Variants in SNTG1 observed in about 807,000 individuals in gnomAD.
The protein encoded by SNTG1 is gamma-1-syntrophin.
Under a neutral mutation model 74.7 loss-of-function variants are expected in SNTG1, and 39 were observed. That is an observed-to-expected ratio of 0.52 (90% CI 0.40 to 0.68). The LOEUF (loss-of-function observed/expected upper bound fraction) is 0.68, where lower values mean the gene tolerates loss of function less well. Among genes scored for constraint, SNTG1 ranks in the 30% least tolerant of loss-of-function variants. SNTG1 has a pLI of 0.00. For missense variants in SNTG1, 685 were observed against 609.5 expected, an observed-to-expected ratio of 1.12 and a Z score of -1.30; for synonymous variants, 254 against 217.1, an observed-to-expected ratio of 1.17 and a Z score of -1.49.
chr8:50,131,304 A>T (rs995352010), intron 1 of SNTG1, among the ~76,000 whole-genome samples: 19 of 152,036 alleles, frequency 1.2e-4, no homozygotes, highest in African/African-American at 4.3e-4. Flanking sequence ...TATTTCTTGA[A>T]TTTTTTTGCA....
At chr8:50,646,495 G>T (rs932847211) in intron 13 of SNTG1, among the ~76,000 whole-genome samples, 1 of 152,026 alleles carries the variant, frequency 6.6e-6, no homozygotes, top group Admixed American at 6.6e-5. Context: ...TAAATTTGTG[G>T]GTTTGTTTTA....
At chr8:50,773,938 T>C (rs759622307) in intron 18 of SNTG1, among the ~76,000 whole-genome samples, 67 of 152,190 alleles carry the variant, frequency 4.4e-4, no homozygotes, top group Admixed American at 1.9e-3. Context: ...AAATTTTCAG[T>C]TGAAAAGTAC....
intron 1 of SNTG1, among the ~76,000 whole-genome samples, chr8:50,020,957 A>G (rs1816762031): frequency 6.6e-6 from 1 of 152,168 alleles, no homozygotes; most frequent in South Asian, 2.1e-4. Flanking sequence ...GAGTTTCTCA[A>G]ATTGCAATCT....
intron 18 of SNTG1, among the ~76,000 whole-genome samples, chr8:50,775,580 T>C (rs980910092): frequency 5.9e-5 from 9 of 151,714 alleles, no homozygotes; most frequent in African/African-American, 2.2e-4. Flanking sequence ...GCAAATAATG[T>C]ATATTCTATT....
At chr8:50,163,434 A>T (rs2082496943) in intron 1 of SNTG1, 1 of 151,276 alleles carries the variant, frequency 6.6e-6, no homozygotes, top group African/African-American at 2.4e-5. Flanking sequence ...TTTTTAATAA[A>T]CAAACTAAGT....
intron 9 of SNTG1, among the ~76,000 whole-genome samples, chr8:50,523,065 T>G (rs1160744229): frequency 6.6e-6 from 1 of 152,162 alleles, no homozygotes; most frequent in East Asian, 1.9e-4. Context: ...ATGGTGACAG[T>G]ATCTTTTCTT....
chr8:50,597,719 T>A (rs2094741018), intron 13 of SNTG1, among the ~76,000 whole-genome samples: 1 of 151,930 alleles, frequency 6.6e-6, no homozygotes, highest in African/African-American at 2.4e-5. Context: ...CAACATTTGT[T>A]ATTTTTTTTG....
chr8:50,255,771 C>A (rs2086851340), intron 2 of SNTG1, among the ~76,000 whole-genome samples: 1 of 152,182 alleles, frequency 6.6e-6, no homozygotes. Flanking sequence ...AATGACACTG[C>A]ACTGATCCTA....
chr8:50,126,780 G>C (rs1453202743), intron 1 of SNTG1, among the ~76,000 whole-genome samples: 4 of 152,004 alleles, frequency 2.6e-5, no homozygotes, highest in African/African-American at 4.8e-5. Context: ...TAGACAGAAA[G>C]GCAGACAAAA....
At chr8:50,057,417 T>C (rs1468033736) in intron 1 of SNTG1, among the ~76,000 whole-genome samples, 1 of 152,082 alleles carries the variant, frequency 6.6e-6, no homozygotes, top group African/African-American at 2.4e-5. Context: ...CTTTACACTT[T>C]TTTGTTTTTG....
intron 2 of SNTG1, among the ~76,000 whole-genome samples, chr8:50,373,753 G>A (rs1587367458): frequency 6.6e-6 from 1 of 152,238 alleles, no homozygotes; most frequent in Non-Finnish European, 1.5e-5. Context: ...TCTCTAAAGT[G>A]AGATGTTCTT....
At chr8:50,104,551 T>C (rs995120291) in intron 1 of SNTG1, among the ~76,000 whole-genome samples, 1 of 152,124 alleles carries the variant, frequency 6.6e-6, no homozygotes, top group African/African-American at 2.4e-5. Context: ...TTTTTTTGTG[T>C]CTCTATTTCC....
At chr8:50,225,869 G>T (rs997586743) in intron 2 of SNTG1, among the ~76,000 whole-genome samples, 15 of 152,200 alleles carry the variant, frequency 9.9e-5, no homozygotes, top group Non-Finnish European at 2.1e-4. Context: ...TGTAGCTTGT[G>T]GTTCAAGAAG....
intron 6 of SNTG1, 39 bp downstream of exon 6, chr8:50,449,764 A>C: frequency 6.7e-7 from 1 of 1,492,914 alleles, no homozygotes; most frequent in Non-Finnish European, 9.0e-7. Flanking sequence ...CCATTTCTTT[A>C]AGGCATTGTT....
intron 4 of SNTG1, among the ~76,000 whole-genome samples, chr8:50,407,817 C>T (rs141196127): frequency 1.3e-5 from 2 of 152,292 alleles, no homozygotes; most frequent in Non-Finnish European, 2.9e-5. Context: ...GTTTGGTGGG[C>T]AGGCAGCTAT....
chr8:50,678,663 C>A (rs2095318996), intron 15 of SNTG1, among the ~76,000 whole-genome samples: 2 of 152,026 alleles, frequency 1.3e-5, no homozygotes, highest in African/African-American at 4.8e-5. Context: ...GAATGTTCAG[C>A]CAAACTTTAT....
At chr8:50,700,497 A>G (rs572452379) in intron 15 of SNTG1, among the ~76,000 whole-genome samples, 3 of 152,228 alleles carry the variant, frequency 2.0e-5, no homozygotes, top group African/African-American at 7.2e-5. Flanking sequence ...ACTCTTAGCC[A>G]TCTAAAGCTT....
intron 1 of SNTG1, among the ~76,000 whole-genome samples, chr8:49,971,596 G>C (rs1290881811): frequency 6.6e-6 from 1 of 152,166 alleles, no homozygotes; most frequent in East Asian, 1.9e-4. Flanking sequence ...CGGATGAAAT[G>C]ATTGTATATC....
chr8:50,128,061 T>C (rs923908894), intron 1 of SNTG1, among the ~76,000 whole-genome samples: 11 of 152,134 alleles, frequency 7.2e-5, no homozygotes, highest in Non-Finnish European at 1.6e-4. Flanking sequence ...TTTAAATCAC[T>C]GAAACTTAGT....
Sources: allele counts gnomAD v4.1 joint callset (sites outside exome capture counted in the v4.1 genomes callset), GRCh38; gene constraint gnomAD v4.1.1; transcripts MANE v1.5; gene names NCBI Gene and HGNC (gene_info 2026-07-23, HGNC 2026-07-21).